Variants in GALK2 observed in about 807,000 individuals in gnomAD.
GALK2 encodes N-acetylgalactosamine kinase.
Under a neutral mutation model 52.4 loss-of-function variants are expected in GALK2, and 36 were observed. That is an observed-to-expected ratio of 0.69 (90% CI 0.53 to 0.91). GALK2 has a LOEUF of 0.91. Ranked by LOEUF, GALK2 falls within the 40% of genes least tolerant of loss-of-function variation. The probability of loss-of-function intolerance (pLI) is 0.00; values close to 1 mark genes in which losing one functional copy is unlikely to be tolerated. For synonymous variants in GALK2, 176 were observed against 199.1 expected, an observed-to-expected ratio of 0.88 and a Z score of 0.98; for missense variants, 579 against 559.1, an observed-to-expected ratio of 1.04 and a Z score of -0.36.
chr15:49,326,354 G>A (rs2037494304), intron 9 of GALK2, among the ~76,000 whole-genome samples: 1 of 145,810 alleles, frequency 6.9e-6, no homozygotes, highest in Non-Finnish European at 1.5e-5. Flanking sequence ...TCCACCTCCT[G>A]GGTTCAAGCA....
intron 2 of GALK2, among the ~76,000 whole-genome samples, chr15:49,214,255 AT>A (rs1383785479): frequency 3.3e-5 from 5 of 152,126 alleles, no homozygotes; most frequent in African/African-American, 1.2e-4. Context: ...TACAATGAAA[AT>A]AAAAAAGAAA....
At chr15:49,239,128 A>T in intron 4 of GALK2, 93 bp from the exon 5 acceptor site, 1 of 1,059,620 alleles carries the variant, frequency 9.4e-7, no homozygotes, top group East Asian at 2.4e-5. Flanking sequence ...AAGTCTATTG[A>T]TAGACTTTTG....
intron 4 of GALK2, among the ~76,000 whole-genome samples, chr15:49,236,627 A>C (rs1595782151): frequency 6.6e-6 from 1 of 152,236 alleles, no homozygotes; most frequent in Non-Finnish European, 1.5e-5. Context: ...ACCAAAAGAA[A>C]ATTGATATTT....
chr15:49,353,443 T>C (rs1199831278), intron 3 of GALK2: 1 of 152,176 alleles, frequency 6.6e-6, no homozygotes, highest in Admixed American at 6.5e-5. Context: ...AAGTCTTTTA[T>C]CTCTACGTTG....
intron 5 of GALK2, among the ~76,000 whole-genome samples, chr15:49,258,532 T>C (rs900122838): frequency 3.3e-5 from 5 of 152,042 alleles, no homozygotes; most frequent in Non-Finnish European, 4.4e-5. Flanking sequence ...GTAATTATTA[T>C]AATTTGTATT....
intron 5 of GALK2, among the ~76,000 whole-genome samples, chr15:49,246,557 G>A (rs1331935918): frequency 6.6e-6 from 1 of 152,176 alleles, no homozygotes; most frequent in Non-Finnish European, 1.5e-5. Flanking sequence ...GACTGAAAGA[G>A]CCAGCTGGGA....
intron 8 of GALK2, among the ~76,000 whole-genome samples, chr15:49,315,671 C>T (rs967031955): frequency 2.0e-5 from 3 of 152,242 alleles, no homozygotes; most frequent in South Asian, 2.1e-4. Context: ...GAGTTACTAC[C>T]GTTCAAGAGA....
intron 8 of GALK2, among the ~76,000 whole-genome samples, chr15:49,307,889 G>C (rs2035677230): frequency 6.6e-6 from 1 of 152,080 alleles, no homozygotes; most frequent in Non-Finnish European, 1.5e-5. Flanking sequence ...CAGCGAGTTT[G>C]CTTTTAAAAT....
chr15:49,178,391 A>ATG, intron 1 of GALK2: 1 of 165,530 alleles, frequency 6.0e-6, no homozygotes. Flanking sequence ...ATATATATAT[A>ATG]TGTGAATTCA....
chr15:49,350,121 T>A (rs967123931), intron 3 of GALK2, among the ~76,000 whole-genome samples: 8 of 152,160 alleles, frequency 5.3e-5, no homozygotes, highest in African/African-American at 1.9e-4. Context: ...TCAATTTCTA[T>A]AAAATAAATT....
chr15:49,263,964 T>C (rs1265929446), intron 5 of GALK2, among the ~76,000 whole-genome samples: 1 of 152,042 alleles, frequency 6.6e-6, no homozygotes, highest in East Asian at 1.9e-4. Flanking sequence ...GGCTTCCCTT[T>C]GAGGGTAACC....
intron 5 of GALK2, 70 bp from the exon 6 acceptor site, chr15:49,281,917 C>A: frequency 9.0e-7 from 1 of 1,110,064 alleles, no homozygotes; most frequent in South Asian, 1.4e-5. Flanking sequence ...GTTTGTCATG[C>A]CTGTAGTAAG....
intron 1 of GALK2, 163 bp downstream of exon 1, chr15:49,170,538 A>T: frequency 3.1e-6 from 2 of 643,776 alleles, no homozygotes; most frequent in South Asian, 3.8e-5. Context: ...TGCAAAAAAG[A>T]TCACGCCGCA....
intron 8 of GALK2, among the ~76,000 whole-genome samples, chr15:49,297,984 T>C (rs891982712): frequency 1.3e-5 from 2 of 152,196 alleles, no homozygotes; most frequent in African/African-American, 2.4e-5. Flanking sequence ...AGGAAAAGCA[T>C]TGAATCTGTA....
At chr15:49,292,855 A>G (rs1206485433) in intron 8 of GALK2, among the ~76,000 whole-genome samples, 1 of 152,130 alleles carries the variant, frequency 6.6e-6, no homozygotes, top group East Asian at 1.9e-4. Flanking sequence ...AAAATGGACT[A>G]AGTTAGAGAA....
At chr15:49,290,805 T>G (rs2033858860) in intron 7 of GALK2, among the ~76,000 whole-genome samples, 2 of 152,236 alleles carry the variant, frequency 1.3e-5, no homozygotes, top group African/African-American at 4.8e-5. Flanking sequence ...TTCTAAGACT[T>G]GATCGGTGAT....
chr15:49,219,037 G>C (rs1432496453), intron 3 of GALK2, among the ~76,000 whole-genome samples: 1 of 152,178 alleles, frequency 6.6e-6, no homozygotes, highest in Non-Finnish European at 1.5e-5. Context: ...ATGTTGACCA[G>C]GCTGGTCTTA....
intron 5 of GALK2, among the ~76,000 whole-genome samples, chr15:49,279,150 C>A (rs1004984579): frequency 6.6e-6 from 1 of 152,122 alleles, no homozygotes; most frequent in Admixed American, 6.5e-5. Flanking sequence ...GGGACACAGC[C>A]AAACCATATC....
intron 9 of GALK2, among the ~76,000 whole-genome samples, chr15:49,321,587 A>G (rs1408715791): frequency 6.6e-6 from 1 of 152,186 alleles, no homozygotes; most frequent in Non-Finnish European, 1.5e-5. Context: ...TCACCACTGT[A>G]GGTAAGAGTT....
Sources: gnomAD v4.1 joint callset for allele counts (sites outside exome capture counted in the v4.1 genomes callset) on GRCh38, gnomAD v4.1.1 for gene constraint, MANE v1.5 for transcripts, NCBI Gene and HGNC (gene_info 2026-07-23, HGNC 2026-07-21) for gene names.